Variants in SOCS6 observed in about 807,000 individuals in gnomAD.
SOCS6 encodes STAT induced STAT inhibitor-4.
Under a neutral mutation model 27.7 loss-of-function variants are expected in SOCS6, and 5 were observed. The ratio of observed to expected loss-of-function variants is 0.18; its 90% confidence interval spans 0.09 to 0.38. The LOEUF (loss-of-function observed/expected upper bound fraction) is 0.38, where lower values mean the gene tolerates loss of function less well. Ranked by LOEUF, SOCS6 falls within the 10% of genes least tolerant of loss-of-function variation. The probability of loss-of-function intolerance (pLI) is 1.00; values close to 1 mark genes in which losing one functional copy is unlikely to be tolerated. For missense variants in SOCS6, 595 were observed against 688.1 expected (o/e 0.86, Z 1.51); for synonymous variants, 271 against 260.0 (o/e 1.04, Z -0.41).
chr18:70,305,894 G>T (rs1402580341), intron 1 of SOCS6, among the ~76,000 whole-genome samples: 2 of 151,742 alleles, frequency 1.3e-5, no homozygotes, highest in Non-Finnish European at 2.9e-5. Context: ...TGGGTGTGTG[G>T]GGGTGTGTGT....
chr18:70,299,170 C>T (rs1370915136), intron 1 of SOCS6, among the ~76,000 whole-genome samples: 1 of 151,934 alleles, frequency 6.6e-6, no homozygotes. Context: ...TAATTCAGAC[C>T]CTACCCAGAG....
At chr18:70,306,890 A>G (rs895775054) in intron 1 of SOCS6, among the ~76,000 whole-genome samples, 2 of 152,152 alleles carry the variant, frequency 1.3e-5, no homozygotes, top group African/African-American at 4.8e-5. Flanking sequence ...TTGATGTTAA[A>G]CCAACCTGGA....
At chr18:70,314,776 A>G (rs2062404954) in intron 1 of SOCS6, among the ~76,000 whole-genome samples, 1 of 151,984 alleles carries the variant, frequency 6.6e-6, no homozygotes, top group African/African-American at 2.4e-5. Flanking sequence ...TCATTGGCTA[A>G]TATGTTGGGA....
intron 1 of SOCS6, among the ~76,000 whole-genome samples, chr18:70,297,992 G>A (rs1053846025): frequency 1.3e-5 from 2 of 152,148 alleles, no homozygotes; most frequent in South Asian, 4.1e-4. Flanking sequence ...TGGGCAAATT[G>A]CTCTTTAAAT....
At chr18:70,295,720 C>T (rs1046814750) in intron 1 of SOCS6, among the ~76,000 whole-genome samples, 1 of 152,142 alleles carries the variant, frequency 6.6e-6, no homozygotes. Context: ...ATATTTGCAG[C>T]AGAATTACTG....
chr18:70,296,636 T>G (rs1262963747), intron 1 of SOCS6: 1 of 152,238 alleles, frequency 6.6e-6, no homozygotes, highest in East Asian at 1.9e-4. Context: ...TGTCGTCCGG[T>G]TTTCAGTGTT....
chr18:70,292,836 C>T (rs774899783), intron 1 of SOCS6, among the ~76,000 whole-genome samples: 1 of 152,188 alleles, frequency 6.6e-6, no homozygotes, highest in African/African-American at 2.4e-5. Context: ...TTCTGTTTGC[C>T]TACAGTGCCT....
In SOCS6 at chr18:70,311,321, T is replaced by C. The variant is rs539349677; in HGVS notation, c.-126-13222T>C. ...GGAATGAGGCAAGGCATGAGGCTGA[T>C]ACTTTGCTTCATGAGATTAAAAGCG... On this transcript the variant is annotated intron_variant, in intron 1 of 1. Transcript: ENST00000397942. Among the ~76,000 whole-genome samples, 3 of 152,322 alleles carry C rather than the reference T, an allele frequency of 2.0e-5. No individual in the cohort carries two copies. The South Asian group carries it at 6.2e-4, about 32-fold the overall frequency.
intron 1 of SOCS6, among the ~76,000 whole-genome samples, chr18:70,307,607 C>CT (rs1246896622): frequency 6.6e-6 from 1 of 152,062 alleles, no homozygotes; most frequent in Non-Finnish European, 1.5e-5. Flanking sequence ...TCCATTTTCT[C>CT]TTAAGTTTTC....
chr18:70,294,065 T>C (rs2062312383), intron 1 of SOCS6, among the ~76,000 whole-genome samples: 1 of 148,842 alleles, frequency 6.7e-6, no homozygotes, highest in Non-Finnish European at 1.5e-5. Flanking sequence ...CACTCCAGCC[T>C]GGGCAACAGA....
intron 1 of SOCS6, among the ~76,000 whole-genome samples, chr18:70,313,015 C>T (rs1017146999): frequency 5.3e-5 from 8 of 151,996 alleles, no homozygotes; most frequent in African/African-American, 1.7e-4. Context: ...CTCTTGACCT[C>T]GTGATCCACC....
chr18:70,318,362 T>G (rs1910845044), intron 1 of SOCS6, among the ~76,000 whole-genome samples: 1 of 152,100 alleles, frequency 6.6e-6, no homozygotes, highest in African/African-American at 2.4e-5. Flanking sequence ...CAAAAAAAAG[T>G]TTGCATCTGA....
chr18:70,311,949 T>C (rs1481498167), intron 1 of SOCS6, among the ~76,000 whole-genome samples: 4 of 152,066 alleles, frequency 2.6e-5, no homozygotes, highest in Non-Finnish European at 4.4e-5. Context: ...TGTGTGACTT[T>C]AGGCAAGTTC....
chr18:70,325,418 C>G lies in SOCS6; in HGVS notation c.750C>G (p.Val250=). The change falls in exon 2 of 2, where the codon GTC becomes GTG. Residue 250 remains valine, a synonymous_variant. Coordinates refer to ENST00000397942, the MANE Select transcript of SOCS6 (RefSeq NM_004232.4). The surrounding 1 kb of genome is among the most constrained non-coding windows in gnomAD (Gnocchi z 6.3). ...YCLDSSSPME[V]SAVPPQVGGR... Reference sequence around the variant, plus strand: ...TGGACAGCTCTTCTCCCATGGAAGTCTCTGCGGTTCCTCCTCAAGTGGGAG... The same window carrying G: ...TGGACAGCTCTTCTCCCATGGAAGTGTCTGCGGTTCCTCCTCAAGTGGGAG... 3.7e-6 allele frequency: 6 copies of G among 1,614,202 alleles called. No homozygotes were observed. The highest frequency in any genetic ancestry group is 5.1e-6 in the Non-Finnish European group (6 of 1,180,044).
rs748462329 is a variant in SOCS6, at chr18:70,303,522, G to A, written c.-127+14432G>A. Among the ~76,000 whole-genome samples the A allele has an allele frequency of 1.1e-4, 16 of 152,130 alleles. No individual in the cohort carries two copies. In the South Asian group the frequency reaches 2.1e-3, roughly 20 times the overall value. On this transcript the variant is annotated intron_variant, in intron 1 of 1. Transcript: ENST00000397942. Reference sequence around the variant, plus strand: ...GTATTAAGATCCTTCAGCTGGGTGCGGTGGCTCACACCTGTAATCCCAGCA... The same window carrying A: ...GTATTAAGATCCTTCAGCTGGGTGCAGTGGCTCACACCTGTAATCCCAGCA...
rs538893280 is a variant in SOCS6 at position 70,294,231 on chromosome 18, T to C, written c.-127+5141T>C. On this transcript the variant is annotated intron_variant, in intron 1 of 1. Transcript: ENST00000397942. ...GCTTTTGACTAGTTAGATTATGTTT[T>C]AAAGTAATAGTAATAATTCCTATTT... Among the ~76,000 whole-genome samples the C allele has an allele frequency of 2.6e-5, 4 of 152,304 alleles. No homozygotes were observed. In the South Asian group the frequency reaches 8.3e-4, roughly 32 times the overall value.
chr18:70,325,148 C>T lies in SOCS6; in HGVS notation c.480C>T (p.His160=). The change falls in exon 2 of 2, where the codon CAC becomes CAT. Residue 160 remains histidine (H), a synonymous_variant. Coordinates refer to ENST00000397942, the MANE Select transcript of SOCS6 (RefSeq NM_004232.4). The surrounding 1 kb of genome is among the most constrained non-coding windows in gnomAD (Gnocchi z 6.3). ...AGGTGAGAGTCAAGGCCTTGGTTCACTCTTCCAGCCCGAGTCCAGCCCTGA... is the reference window on the plus strand; with the variant it reads ...AGGTGAGAGTCAAGGCCTTGGTTCATTCTTCCAGCCCGAGTCCAGCCCTGA... ...KMEVRVKALV[H]SSSPSPALNG... is the part of the protein sequence containing the mutation. 1 of 1,614,212 alleles carries T rather than the reference C, an allele frequency of 6.2e-7. No individual in the cohort carries two copies. Among genetic ancestry groups the T allele is most frequent in the Non-Finnish European group, 8.5e-7 (1 of 1,180,038 alleles).
intron 1 of SOCS6, among the ~76,000 whole-genome samples, chr18:70,318,728 G>A (rs1910866107): frequency 6.6e-6 from 1 of 152,110 alleles, no homozygotes. Flanking sequence ...ACAAGGTCAG[G>A]AGTTTGAGAC....
chr18:70,293,850 T>G (rs1310990442), intron 1 of SOCS6, among the ~76,000 whole-genome samples: 1 of 152,164 alleles, frequency 6.6e-6, no homozygotes, highest in Non-Finnish European at 1.5e-5. Flanking sequence ...CCCACCACTT[T>G]GCGGGGCTGA....
Sources: allele counts gnomAD v4.1 joint callset (sites outside exome capture counted in the v4.1 genomes callset), GRCh38; gene constraint gnomAD v4.1.1; non-coding constraint Gnocchi (gnomAD v3.1); transcripts MANE v1.5; gene names NCBI Gene and HGNC (gene_info 2026-07-23, HGNC 2026-07-21).